NREP: variants seen among roughly 807,000 people sequenced by gnomAD.
NREP encodes neuronal regeneration-related protein.
In NREP, 5 loss-of-function variants were observed where a neutral mutation model predicts 8.6. That is an observed-to-expected ratio of 0.58 (90% CI 0.30 to 1.22). The LOEUF is 1.22. Among genes scored for constraint, NREP ranks in the 50% most tolerant of loss-of-function variants. The pLI, the probability that NREP is intolerant of heterozygous loss-of-function variation, is 0.07. For missense variants in NREP, 86 were observed against 82.5 expected (o/e 1.04, Z -0.17); for synonymous variants, 27 against 28.0 (o/e 0.96, Z 0.11).
chr5:111,771,405 G>T (rs1485194640), intron 2 of NREP, among the ~76,000 whole-genome samples: 2 of 150,564 alleles, frequency 1.3e-5, no homozygotes, highest in Non-Finnish European at 2.9e-5. Context: ...GAACTGCCTG[G>T]TGAGAGGCTT....
intron 2 of NREP, among the ~76,000 whole-genome samples, chr5:111,943,807 G>A: frequency 6.6e-6 from 1 of 152,052 alleles, no homozygotes. Flanking sequence ...TGTTTCTTTG[G>A]ATTTTTCCGA....
intron 2 of NREP, among the ~76,000 whole-genome samples, chr5:111,880,953 AGGG>A (rs1400069376): frequency 6.6e-6 from 1 of 152,170 alleles, no homozygotes; most frequent in Non-Finnish European, 1.5e-5. Context: ...TCATCTCACT[AGGG>A]AGTGCCAGAC....
intron 2 of NREP, among the ~76,000 whole-genome samples, chr5:111,949,207 T>A (rs1756082853): frequency 6.6e-6 from 1 of 152,062 alleles, no homozygotes; most frequent in Non-Finnish European, 1.5e-5. Context: ...GCTGTCATGT[T>A]AAATATGCTA....
intron 2 of NREP, among the ~76,000 whole-genome samples, chr5:111,820,621 A>G (rs1185624515): frequency 6.6e-6 from 1 of 152,142 alleles, no homozygotes; most frequent in Non-Finnish European, 1.5e-5. Flanking sequence ...ATGGCTGATC[A>G]TAAATATGTT....
chr5:111,860,402 T>C (rs979429735), intron 2 of NREP, among the ~76,000 whole-genome samples: 2 of 152,200 alleles, frequency 1.3e-5, no homozygotes, highest in African/African-American at 2.4e-5. Context: ...TAATCCTAGA[T>C]ATCATCAGTT....
At chr5:111,777,639 T>G (rs1004131925) in intron 2 of NREP, among the ~76,000 whole-genome samples, 1 of 152,126 alleles carries the variant, frequency 6.6e-6, no homozygotes, top group Non-Finnish European at 1.5e-5. Context: ...AAGAGTGTTT[T>G]GAGCTCAATT....
chr5:111,954,953 G>A (rs1312176873), intron 2 of NREP, among the ~76,000 whole-genome samples: 2 of 152,178 alleles, frequency 1.3e-5, no homozygotes, highest in Non-Finnish European at 2.9e-5. Context: ...AAAAAGAGCA[G>A]GATGGGAGTT....
intron 2 of NREP, among the ~76,000 whole-genome samples, chr5:111,892,163 A>G (rs923427614): frequency 6.6e-6 from 1 of 152,194 alleles, no homozygotes; most frequent in Non-Finnish European, 1.5e-5. Context: ...ATAAAAGACT[A>G]CCTACATCTT....
intron 2 of NREP, among the ~76,000 whole-genome samples, chr5:111,907,236 G>C (rs1186606775): frequency 1.3e-5 from 2 of 151,764 alleles, no homozygotes; most frequent in Non-Finnish European, 2.9e-5. Context: ...TTATGTCTTT[G>C]ATATTGTATT....
intron 2 of NREP, among the ~76,000 whole-genome samples, chr5:111,847,536 C>T (rs1315917069): frequency 1.3e-5 from 2 of 152,152 alleles, no homozygotes; most frequent in East Asian, 3.8e-4. Context: ...AGTATTATCT[C>T]CATGCAATCA....
At chr5:111,756,320 C>CCCCG in intron 1 of NREP, 4 of 30,650 alleles carry the variant, frequency 1.3e-4, no homozygotes, top group Non-Finnish European at 1.8e-4. Context: ...AAACCCTACA[C>CCCCG]GGCGGGGGGG....
chr5:111,771,845 T>C (rs1316697119), intron 2 of NREP, among the ~76,000 whole-genome samples: 1 of 151,914 alleles, frequency 6.6e-6, no homozygotes, highest in East Asian at 1.9e-4. Context: ...TATTTCCCTA[T>C]CCTAATGAAA....
chr5:111,925,188 G>A (rs1755351187), intron 2 of NREP, among the ~76,000 whole-genome samples: 1 of 152,016 alleles, frequency 6.6e-6, no homozygotes, highest in Non-Finnish European at 1.5e-5. Flanking sequence ...CGGCAGTTTG[G>A]GCCACTAGAG....
intron 2 of NREP, among the ~76,000 whole-genome samples, chr5:111,934,165 G>A (rs1354351034): frequency 2.0e-5 from 3 of 152,032 alleles, no homozygotes; most frequent in Non-Finnish European, 4.4e-5. Flanking sequence ...ACCATCATGG[G>A]CAGACCTAGG....
chr5:111,926,949 T>C (rs1424479822), intron 2 of NREP, among the ~76,000 whole-genome samples: 2 of 151,658 alleles, frequency 1.3e-5, no homozygotes, highest in Non-Finnish European at 3.0e-5. Flanking sequence ...CACGTTCACC[T>C]GTGTGAGACC....
chr5:111,811,883 A>G (rs7723084), intron 2 of NREP, among the ~76,000 whole-genome samples: 6,899 of 152,246 alleles, frequency 0.045, 535 homozygotes, highest in African/African-American at 0.16. Flanking sequence ...AGATCGGTTT[A>G]CAAAAGGAAA....
intron 2 of NREP, among the ~76,000 whole-genome samples, chr5:111,797,713 A>G (rs959148852): frequency 6.6e-6 from 1 of 152,204 alleles, no homozygotes; most frequent in African/African-American, 2.4e-5. Context: ...TTGAAATGAG[A>G]GAGCTGGTAG....
At chr5:111,748,907 CAT>C (rs1197700660) in intron 2 of NREP, among the ~76,000 whole-genome samples, 1 of 152,050 alleles carries the variant, frequency 6.6e-6, no homozygotes, top group East Asian at 1.9e-4. Context: ...GAAAGTTAAA[CAT>C]GTGATAAGTA....
At chr5:111,929,873 GC>G (rs1755489114) in intron 2 of NREP, among the ~76,000 whole-genome samples, 1 of 152,164 alleles carries the variant, frequency 6.6e-6, no homozygotes, top group Admixed American at 6.5e-5. Context: ...AAAGCATCTA[GC>G]CAAATTCCTC....
Sources: gnomAD v4.1 joint callset for allele counts (sites outside exome capture counted in the v4.1 genomes callset) on GRCh38, gnomAD v4.1.1 for gene constraint, MANE v1.5 for transcripts, NCBI Gene and HGNC (gene_info 2026-07-23, HGNC 2026-07-21) for gene names.